The following PTGS1 variants were observed in gnomAD, a reference collection of about 807,000 sequenced individuals.
The protein encoded by PTGS1 is prostaglandin G/H synthase 1.
In PTGS1, 40 loss-of-function variants were observed where a neutral mutation model predicts 63.0. The observed-to-expected ratio is 0.63, with a 90% CI of 0.49 to 0.83. The LOEUF (loss-of-function observed/expected upper bound fraction) is 0.83. Among genes scored for constraint, PTGS1 ranks in the 40% least tolerant of loss-of-function variants. The pLI, the probability that PTGS1 is intolerant of heterozygous loss-of-function variation, is 0.00. For missense variants in PTGS1, 709 were observed against 786.5 expected (o/e 0.90, Z 1.18); for synonymous variants, 298 against 301.9 (o/e 0.99, Z 0.13).
intron 9 of PTGS1, among the ~76,000 whole-genome samples, chr9:122,387,201 G>C (rs939073812): frequency 6.6e-6 from 1 of 151,862 alleles, no homozygotes; most frequent in African/African-American, 2.4e-5. Flanking sequence ...TTGGAAGGAG[G>C]GATAGAGATT....
chr9:122,372,372 G>A (rs1368520129), intron 2 of PTGS1, among the ~76,000 whole-genome samples: 1 of 152,216 alleles, frequency 6.6e-6, no homozygotes, highest in Admixed American at 6.5e-5. Context: ...GAAAGGGATT[G>A]CGTTGAATAA....
At chr9:122,375,492 A>G (rs1837081064) in intron 2 of PTGS1, 1 of 985,200 alleles carries the variant, frequency 1.0e-6, no homozygotes, top group African/African-American at 1.7e-5. Context: ...AACATTCGTT[A>G]AGCTCTGGCT....
chr9:122,382,912 A>G (rs1837610753), intron 7 of PTGS1, among the ~76,000 whole-genome samples: 1 of 152,208 alleles, frequency 6.6e-6, no homozygotes, highest in Non-Finnish European at 1.5e-5. Flanking sequence ...ATAAAGGATG[A>G]GGAGGAGTTA....
At chr9:122,373,489 C>T (rs1836927664) in intron 2 of PTGS1, among the ~76,000 whole-genome samples, 1 of 152,120 alleles carries the variant, frequency 6.6e-6, no homozygotes, top group African/African-American at 2.4e-5. Flanking sequence ...GAGATGGAGG[C>T]CAGCCTGGAG....
chr9:122,375,418 G>A, intron 2 of PTGS1: 2 of 985,526 alleles, frequency 2.0e-6, no homozygotes, highest in South Asian at 9.4e-5. Flanking sequence ...CCTGGAAGAT[G>A]AGGGACTCCT....
At chr9:122,379,827 A>G (rs746505270) in intron 5 of PTGS1, among the ~76,000 whole-genome samples, 1 of 152,158 alleles carries the variant, frequency 6.6e-6, no homozygotes, top group Non-Finnish European at 1.5e-5. Context: ...TTCCTGCCAG[A>G]GGAACCCAGT....
intron 2 of PTGS1, 62 bp from the exon 3 acceptor site, chr9:122,377,837 G>C: frequency 7.2e-7 from 1 of 1,394,608 alleles, no homozygotes; most frequent in Non-Finnish European, 1.0e-6. Context: ...CCCCATCAGG[G>C]GCTAGATGGG....
intron 2 of PTGS1, chr9:122,371,961 C>G: frequency 1.4e-6 from 1 of 705,444 alleles, no homozygotes; most frequent in Non-Finnish European, 2.4e-6. Flanking sequence ...ACAATGGACC[C>G]GGAGCCACTC....
At chr9:122,380,830 T>C (rs376628674) in intron 5 of PTGS1, among the ~76,000 whole-genome samples, 28 of 152,260 alleles carry the variant, frequency 1.8e-4, no homozygotes, top group African/African-American at 6.5e-4. Flanking sequence ...TGCCCCTTTT[T>C]AAAGATGGAG....
chr9:122,386,444 A>T lies in PTGS1; in HGVS notation c.1010-2A>T. On this transcript the variant is annotated splice_acceptor_variant, in intron 8 of 10. Transcript: ENST00000362012. LOFTEE classifies it high-confidence loss of function. ...CCCTATTTCCAATCCTGCCCTGCCC[A>T]GGGGAGACCATCAAGATTGTCATCG... 6.2e-7 allele frequency: 1 copy of T among 1,614,084 alleles called. No individual in the cohort carries two copies. The highest frequency in any genetic ancestry group is 8.5e-7 in the Non-Finnish European group (1 of 1,179,944).
At chr9:122,389,048 C>G (rs1356553748) in intron 9 of PTGS1, among the ~76,000 whole-genome samples, 1 of 151,930 alleles carries the variant, frequency 6.6e-6, no homozygotes, top group African/African-American at 2.4e-5. Flanking sequence ...TCCAACCATG[C>G]CTTTCTTTTT....
rs1837705019 is a variant in PTGS1 at position 122,383,941 on chromosome 9, T to A, written c.1009+186T>A. On this transcript the variant is annotated intron_variant, in intron 8 of 10. Coordinates refer to ENST00000362012, the MANE Select transcript of PTGS1 (RefSeq NM_000962.4). Reference sequence around the variant, plus strand: ...CGGTCTCCAAATCTGTACGTTGGGGTGAACGATGATTGTAAGGATTTATTG... The same window carrying A: ...CGGTCTCCAAATCTGTACGTTGGGGAGAACGATGATTGTAAGGATTTATTG... 2.0e-5 allele frequency among the ~76,000 whole-genome samples: 3 copies of A among 152,104 alleles called. No individual in the cohort carries two copies. The South Asian group carries it at 6.2e-4, about 32-fold the overall frequency.
intron 7 of PTGS1, among the ~76,000 whole-genome samples, chr9:122,382,710 T>C (rs1045241925): frequency 2.0e-5 from 3 of 152,232 alleles, no homozygotes; most frequent in African/African-American, 7.2e-5. Context: ...AGTTTGATGC[T>C]GAATCTTTAG....
rs2119197801 is a variant in PTGS1, at chr9:122,392,299, G to A, written c.1555G>A (p.Glu519Lys). ...GTGCCATCCAAACTCTATCTTTGGG[G>A]AGAGTATGATAGAGATTGGGGCTCC... ...EKCHPNSIFG[E>K]SMIEIGAPFS... The change falls in exon 11 of 11, where the codon GAG becomes AAG. Residue 519 changes from glutamate (E) to lysine (K), a missense_variant. Coordinates refer to ENST00000362012, the MANE Select transcript of PTGS1 (RefSeq NM_000962.4). The A allele has an allele frequency of 1.2e-6, 2 of 1,614,112 alleles. No individual in the cohort carries two copies. Among genetic ancestry groups the A allele is most frequent in the Non-Finnish European group, 1.7e-6 (2 of 1,179,978 alleles).
chr9:122,389,131 G>C (rs888371544), intron 9 of PTGS1, among the ~76,000 whole-genome samples: 1 of 147,148 alleles, frequency 6.8e-6, no homozygotes, highest in African/African-American at 2.5e-5. Flanking sequence ...CTAAGCACCA[G>C]AGCTTTCTTT....
Position 122,391,358 on chromosome 9 carries a change from C to CAT in PTGS1, c.1445-819_1445-818dup, listed in dbSNP as rs5900521. 4.5e-3 allele frequency among the ~76,000 whole-genome samples: 469 copies of CAT among 104,270 alleles called. 4 individuals are homozygous for CAT. Among genetic ancestry groups the CAT allele is most frequent in the African/African-American group, 0.018 (440 of 24,558 alleles). The allele number at this position is 104,270 out of a possible 152,430, so 68.4% of individuals were successfully genotyped here. ...TGTGTATATATATACTATATATATA[C>CAT]ATATATATATATACATATATATATA... On this transcript the variant is annotated intron_variant, in intron 10 of 10. Coordinates refer to ENST00000362012, the MANE Select transcript of PTGS1 (RefSeq NM_000962.4).
rs771040023 is a variant in PTGS1, at chr9:122,378,864, A to C, written c.442A>C (p.Thr148Pro). 1 of 1,614,098 alleles carries C rather than the reference A, an allele frequency of 6.2e-7. No homozygotes were observed. Among genetic ancestry groups the C allele is most frequent in the Non-Finnish European group, 8.5e-7 (1 of 1,180,006 alleles). ...WESFSNVSYY[T>P]RILPSVPKDC... is the part of the protein sequence containing the mutation. ...GTCTTTCTCCAACGTGAGCTATTAC[A>C]CTCGTATTCTGCCCTCTGTGCCTAA... The change falls in exon 5 of 11, where the codon ACT becomes CCT. Residue 148 changes from threonine (T) to proline (P), a missense_variant. Coordinates refer to ENST00000362012, the MANE Select transcript of PTGS1 (RefSeq NM_000962.4).
At chr9:122,389,184 T>G (rs1479525197) in intron 9 of PTGS1, among the ~76,000 whole-genome samples, 1 of 138,092 alleles carries the variant, frequency 7.2e-6, no homozygotes, top group Non-Finnish European at 1.5e-5. Context: ...ACAATCTTGC[T>G]CTCTTGCCTG....
intron 2 of PTGS1, among the ~76,000 whole-genome samples, chr9:122,376,830 G>A (rs995178336): frequency 6.6e-6 from 1 of 152,184 alleles, no homozygotes; most frequent in East Asian, 1.9e-4. Context: ...CAGGGTGGTG[G>A]GGGTGATGGT....
Sources: allele counts gnomAD v4.1 joint callset (sites outside exome capture counted in the v4.1 genomes callset), GRCh38; gene constraint gnomAD v4.1.1; transcripts MANE v1.5; gene names NCBI Gene and HGNC (gene_info 2026-07-23, HGNC 2026-07-21).